Variants in CFAP47 observed in about 807,000 individuals in gnomAD.
CFAP47 encodes the protein cilia and flagella associated protein 47, also known as cilia- and flagella-associated protein 47.
In CFAP47, 29 loss-of-function variants were observed where a neutral mutation model predicts 148.1. The ratio of observed to expected loss-of-function variants is 0.20; its 90% CI spans 0.15 to 0.27. The LOEUF (loss-of-function observed/expected upper bound fraction) is 0.27. CFAP47 is among the 10% of genes least tolerant of loss of function. CFAP47 has a pLI of 1.00. For synonymous variants in CFAP47, 664 were observed against 577.3 expected, an observed-to-expected ratio of 1.15 and a Z score of -2.15; for missense variants, 1,872 against 1,697.5, an observed-to-expected ratio of 1.10 and a Z score of -1.81.
At chrX:36,105,316 A>G (rs1379479823) in intron 33 of CFAP47, among the ~76,000 whole-genome samples, 1 of 111,961 alleles carries the variant, frequency 8.9e-6, no homozygotes, top group African/African-American at 3.2e-5. Context: ...AGATAGTACT[A>G]AGGACAGTGC....
intron 33 of CFAP47, among the ~76,000 whole-genome samples, chrX:36,129,820 A>G (rs1239929520): frequency 9.0e-6 from 1 of 111,571 alleles, no homozygotes; most frequent in Non-Finnish European, 1.9e-5. Flanking sequence ...CAATGGACAC[A>G]GTAACAGCAA....
chrX:35,924,206 T>C (rs1284721081), intron 1 of CFAP47, among the ~76,000 whole-genome samples: 2 of 105,317 alleles, frequency 1.9e-5, no homozygotes, highest in African/African-American at 3.6e-5. Flanking sequence ...TATATGGACA[T>C]GTATGTGTGC....
At chrX:36,200,682 A>G (rs1167673452) in intron 43 of CFAP47, among the ~76,000 whole-genome samples, 189 bp downstream of exon 43, 2 of 111,955 alleles carry the variant, frequency 1.8e-5, no homozygotes, top group East Asian at 5.6e-4. Flanking sequence ...AAAAATTTCA[A>G]TGGTGATTTT....
chrX:36,343,694 A>G (rs1190600125), intron 57 of CFAP47, among the ~76,000 whole-genome samples: 3 of 111,949 alleles, frequency 2.7e-5, no homozygotes, highest in Non-Finnish European at 5.6e-5. Context: ...ATGCCCATCA[A>G]TGATAGATTT....
intron 15 of CFAP47, among the ~76,000 whole-genome samples, chrX:35,979,374 G>A (rs1234338267): frequency 3.7e-5 from 4 of 108,897 alleles, no homozygotes; most frequent in Non-Finnish European, 7.6e-5. Context: ...TTTTGTTTTT[G>A]TCTGTTATCT....
At chrX:36,337,351 C>T (rs1941614168) in intron 57 of CFAP47, among the ~76,000 whole-genome samples, 1 of 111,978 alleles carries the variant, frequency 8.9e-6, no homozygotes, top group African/African-American at 3.2e-5. Context: ...TTCAGAAATA[C>T]AGGTAAATAT....
At chrX:35,981,738 T>C (rs1057238589) in intron 15 of CFAP47, among the ~76,000 whole-genome samples, 1 of 111,447 alleles carries the variant, frequency 9.0e-6, no homozygotes, top group Admixed American at 9.6e-5. Flanking sequence ...ATGTGTATTC[T>C]ATGTTTAGCT....
At chrX:36,352,843 A>T (rs5972042) in intron 59 of CFAP47, among the ~76,000 whole-genome samples, 13,266 of 108,585 alleles carry the variant, frequency 0.12, 1,152 homozygotes, top group African/African-American at 0.31. Flanking sequence ...AAATATATTT[A>T]TATATATATA....
chrX:36,192,584 A>G, intron 42 of CFAP47, among the ~76,000 whole-genome samples: 1 of 111,598 alleles, frequency 9.0e-6, no homozygotes, highest in East Asian at 2.8e-4. Flanking sequence ...GGTATAAAAG[A>G]GGATGCCTGA....
chrX:36,368,578 T>C (rs1941900496), intron 62 of CFAP47, among the ~76,000 whole-genome samples: 1 of 111,401 alleles, frequency 9.0e-6, no homozygotes. Flanking sequence ...ACCTGGAATT[T>C]CTCTTACAGT....
chrX:36,089,807 A>G (rs1407922663), intron 30 of CFAP47, among the ~76,000 whole-genome samples: 1 of 112,156 alleles, frequency 8.9e-6, no homozygotes, highest in Non-Finnish European at 1.9e-5. Flanking sequence ...ACAAACCTGC[A>G]TATGTACTAT....
At chrX:36,237,110 T>C (rs1555994876) in intron 48 of CFAP47, among the ~76,000 whole-genome samples, 2 of 111,669 alleles carry the variant, frequency 1.8e-5, no homozygotes, top group African/African-American at 6.5e-5. Flanking sequence ...AATCTACTTA[T>C]TTGAGTCATG....
At chrX:36,163,900 A>G (rs908587122) in intron 39 of CFAP47, among the ~76,000 whole-genome samples, 5 of 111,983 alleles carry the variant, frequency 4.5e-5, no homozygotes, top group African/African-American at 1.6e-4. Context: ...ATGAGCCACC[A>G]TGCCCAGTAA....
intron 52 of CFAP47, among the ~76,000 whole-genome samples, chrX:36,299,613 G>A (rs1941278395): frequency 9.0e-6 from 1 of 111,550 alleles, no homozygotes; most frequent in Non-Finnish European, 1.9e-5. Context: ...ACTTATTTCT[G>A]CTAACTGAAA....
At chrX:36,106,490 G>A (rs1393372330) in intron 33 of CFAP47, among the ~76,000 whole-genome samples, 5 of 111,794 alleles carry the variant, frequency 4.5e-5, no homozygotes, top group Non-Finnish European at 9.4e-5. Flanking sequence ...TAAGGTACTG[G>A]CAGGTTCTAT....
At chrX:36,282,007 A>G (rs1941083574) in intron 50 of CFAP47, among the ~76,000 whole-genome samples, 1 of 111,195 alleles carries the variant, frequency 9.0e-6, no homozygotes. Context: ...AAAAATAATA[A>G]TAAGAGTTCG....
At chrX:36,078,728 T>G (rs1937915639) in intron 29 of CFAP47, among the ~76,000 whole-genome samples, 2 of 111,191 alleles carry the variant, frequency 1.8e-5, no homozygotes, top group African/African-American at 6.6e-5. Context: ...TTGTTATGTG[T>G]GAATTTGATC....
chrX:36,045,183 C>T (rs1468738688), intron 25 of CFAP47, among the ~76,000 whole-genome samples: 1 of 111,465 alleles, frequency 9.0e-6, no homozygotes, highest in Non-Finnish European at 1.9e-5. Context: ...TTTCTCTATT[C>T]TATGTGATAT....
At chrX:36,353,092 T>A (rs1054991595) in intron 59 of CFAP47, among the ~76,000 whole-genome samples, 7 of 110,808 alleles carry the variant, frequency 6.3e-5, no homozygotes, top group Non-Finnish European at 7.6e-5. Context: ...CTTATTTTTT[T>A]AAATTATTTG....
Sources: gnomAD v4.1 joint callset for allele counts (sites outside exome capture counted in the v4.1 genomes callset) on GRCh38, gnomAD v4.1.1 for gene constraint, MANE v1.5 for transcripts, NCBI Gene and HGNC (gene_info 2026-07-23, HGNC 2026-07-21) for gene names.